ZSCAN30: variants seen among roughly 807,000 people sequenced by gnomAD.
ZSCAN30 encodes zinc finger and SCAN domain-containing protein 30.
In ZSCAN30, 37 loss-of-function variants were observed where a neutral mutation model predicts 44.3. That is an observed-to-expected ratio of 0.84 (90% CI 0.64 to 1.10). ZSCAN30 has a LOEUF of 1.10. Ranked by LOEUF, ZSCAN30 falls within the 50% of genes least tolerant of loss-of-function variation. ZSCAN30 has a pLI of 0.00. For missense variants in ZSCAN30, 549 were observed against 582.6 expected (o/e 0.94, Z 0.59); for synonymous variants, 181 against 204.6 (o/e 0.88, Z 0.98).
chr18:35,266,748 G>A lies in ZSCAN30; in HGVS notation c.-103-2293C>T, dbSNP rs1328603788. The A allele has an allele frequency of 3.8e-5, 5 of 131,506 alleles. No homozygotes were observed. The South Asian group carries it at 9.6e-4, about 25-fold the overall frequency. The allele number at this position is 131,506 out of a possible 1,614,324, so 8.1% of individuals were successfully genotyped here. A position where few individuals can be genotyped will look rare whatever the true frequency, so the allele number is the denominator to read the frequency against. On this transcript the variant is annotated intron_variant, in intron 1 of 3. Transcript: ENST00000333206. ...GTGGCGCTATCTCGGCTCACTGAAA[G>A]CTCCGCCTCCCGGGTTCACGCCATT...
intron 3 of ZSCAN30, chr18:35,261,385 TGAA>T (rs1285803024): frequency 3.3e-5 from 5 of 152,242 alleles, no homozygotes; most frequent in African/African-American, 1.2e-4. Flanking sequence ...TCTAATTCTG[TGAA>T]GAATGTCAAT....
chr18:35,255,924 G>A (rs2043793469), intron 3 of ZSCAN30: 1 of 153,116 alleles, frequency 6.5e-6, no homozygotes, highest in Non-Finnish European at 1.5e-5. Flanking sequence ...GTTAAAGTCA[G>A]AGACCCAACA....
intron 3 of ZSCAN30, 95 bp downstream of exon 3, chr18:35,263,418 A>AT: frequency 6.6e-7 from 1 of 1,510,886 alleles, no homozygotes; most frequent in Admixed American, 1.8e-5. Flanking sequence ...ATACTTAGTG[A>AT]TAGCCACAAG....
intron 1 of ZSCAN30, among the ~76,000 whole-genome samples, chr18:35,280,073 C>T (rs781642755): frequency 1.3e-5 from 2 of 151,952 alleles, no homozygotes; most frequent in African/African-American, 2.4e-5. Flanking sequence ...CCCAGGAGTT[C>T]AAGACCAGCC....
At position 35,251,297 on chromosome 18, in the gene ZSCAN30, C is replaced by CACTT. The variant is rs767631462; in HGVS notation, c.*2149_*2152dup. 8 of 152,244 alleles carry CACTT rather than the reference C, an allele frequency of 5.3e-5. No homozygotes were observed. The highest frequency in any genetic ancestry group is 1.3e-4 in the Admixed American group (2 of 15,290). The allele number at this position is 152,244 out of a possible 1,614,324, so 9.4% of individuals were successfully genotyped here. On this transcript the variant is annotated 3_prime_UTR_variant, in exon 4 of 4. Transcript: ENST00000333206. ...ACTTTCTCATTTTCTGTATTACCAA[C>CACTT]ACTTACAATTCACAATCAGGAGAAA...
At chr18:35,269,021 T>G (rs1162336243) in intron 1 of ZSCAN30, 1 of 151,806 alleles carries the variant, frequency 6.6e-6, no homozygotes, top group African/African-American at 2.4e-5. Context: ...GGAGGGTGAG[T>G]GCAAGAGAAA....
At chr18:35,285,053 C>A (rs533599570) in intron 1 of ZSCAN30, 2 of 154,800 alleles carry the variant, frequency 1.3e-5, no homozygotes. Flanking sequence ...CTGTGAAGCT[C>A]ACAGCATGGG....
chr18:35,253,421 T>G lies in ZSCAN30; in HGVS notation c.*29A>C. The G allele has an allele frequency of 6.6e-7, 1 of 1,523,184 alleles. No individual in the cohort carries two copies. Among genetic ancestry groups the G allele is most frequent in the Non-Finnish European group, 8.8e-7 (1 of 1,135,528 alleles). The allele number at this position is 1,523,184 out of a possible 1,614,324, so 94.4% of individuals were successfully genotyped here. ...ACCCCTACAGTGAACTCCTTGCATT[T>G]CACAATTGTACAACTCTTACCCACA... On this transcript the variant is annotated 3_prime_UTR_variant, in exon 4 of 4. Transcript: ENST00000333206.
chr18:35,286,433 T>C (rs534818657), intron 1 of ZSCAN30, among the ~76,000 whole-genome samples: 1 of 152,192 alleles, frequency 6.6e-6, no homozygotes, highest in African/African-American at 2.4e-5. Flanking sequence ...AAAAGGATAA[T>C]ACATCACAGT....
At chr18:35,261,543 T>C (rs966887875) in intron 3 of ZSCAN30, 5 of 152,216 alleles carry the variant, frequency 3.3e-5, no homozygotes, top group Non-Finnish European at 7.3e-5. Context: ...CAGTGGTTTG[T>C]AGTTCTCCTT....
At position 35,253,205 on chromosome 18, in the gene ZSCAN30, G is replaced by A. The variant is rs190800548; in HGVS notation, c.*245C>T. 1 of 370,296 alleles carries A rather than the reference G, an allele frequency of 2.7e-6. No individual in the cohort carries two copies. The highest frequency in any genetic ancestry group is 4.2e-5 in the Admixed American group (1 of 24,094). 22.9% of individuals were successfully genotyped at this position (370,296 alleles called of 1,614,324 possible). A position where few individuals can be genotyped will look rare whatever the true frequency, so the allele number is the denominator to read the frequency against. ...AGGGGATATTGATGAGTCTCATCCA[G>A]AAATGGGTTAGGCATTTCAAGGAAA... On this transcript the variant is annotated 3_prime_UTR_variant, in exon 4 of 4. Coordinates refer to ENST00000333206, the MANE Select transcript of ZSCAN30 (RefSeq NM_001112734.4).
intron 1 of ZSCAN30, chr18:35,283,107 G>T (rs745347838): frequency 2.0e-5 from 3 of 152,188 alleles, no homozygotes; most frequent in Non-Finnish European, 2.9e-5. Flanking sequence ...AACAGGCTGG[G>T]CATGGTAGGC....
At chr18:35,274,692 T>C (rs1219099021) in intron 1 of ZSCAN30, among the ~76,000 whole-genome samples, 3 of 152,230 alleles carry the variant, frequency 2.0e-5, no homozygotes, top group Admixed American at 6.5e-5. Flanking sequence ...ACTAGATGCT[T>C]TGGTTCACCT....
chr18:35,282,068 T>C (rs1353187398), intron 1 of ZSCAN30: 1 of 152,188 alleles, frequency 6.6e-6, no homozygotes, highest in Non-Finnish European at 1.5e-5. Context: ...AAAAGTCTAG[T>C]TGAATTCAAG....
At chr18:35,256,070 T>G (rs141367276) in intron 3 of ZSCAN30, among the ~76,000 whole-genome samples, 30 of 151,980 alleles carry the variant, frequency 2.0e-4, no homozygotes, top group African/African-American at 7.0e-4. Context: ...ATGTAACTTA[T>G]GGGATTTAAA....
At chr18:35,261,380 T>A (rs2044026676) in intron 3 of ZSCAN30, 1 of 152,212 alleles carries the variant, frequency 6.6e-6, no homozygotes, top group Admixed American at 6.5e-5. Flanking sequence ...TTTTTTCTAA[T>A]TCTGTGAAGA....
intron 1 of ZSCAN30, among the ~76,000 whole-genome samples, chr18:35,266,449 A>G (rs769094179): frequency 1.3e-5 from 2 of 152,072 alleles, no homozygotes; most frequent in African/African-American, 4.8e-5. Context: ...CACACCGTAT[A>G]AGGGCTTGGA....
rs1339570527 is a variant in ZSCAN30 at position 35,264,230 on chromosome 18, G to A, written c.123C>T (p.Pro41=). ...LDQDFGLQEN[P]WSQEVFRQKF... Reference sequence around the variant, plus strand: ...TCTGCCGGAATACCTCTTGGCTCCAGGGGTTTTCCTGAAGGCCAAAGTCCT... The same window carrying A: ...TCTGCCGGAATACCTCTTGGCTCCAAGGGTTTTCCTGAAGGCCAAAGTCCT... Residue 41 remains proline (P), a synonymous_variant, in exon 2 of 4, where the codon CCC becomes CCT. Transcript: ENST00000333206. 1.2e-6 allele frequency: 2 copies of A among 1,614,094 alleles called. No individual in the cohort carries two copies. The highest frequency in any genetic ancestry group is 2.7e-5 in the African/African-American group (2 of 74,944).
chr18:35,278,652 T>C (rs2044405976), intron 1 of ZSCAN30, among the ~76,000 whole-genome samples: 1 of 152,196 alleles, frequency 6.6e-6, no homozygotes, highest in Non-Finnish European at 1.5e-5. Context: ...AATCATCAAA[T>C]GATTTTTGCT....
Sources: gnomAD v4.1 joint callset for allele counts (sites outside exome capture counted in the v4.1 genomes callset) on GRCh38, gnomAD v4.1.1 for gene constraint, MANE v1.5 for transcripts, NCBI Gene and HGNC (gene_info 2026-07-23, HGNC 2026-07-21) for gene names.